Variants in BLOC1S5 observed in about 807,000 individuals in gnomAD.
BLOC1S5 encodes biogenesis of lysosomal organelles complex 1 subunit 5, also known as biogenesis of lysosome-related organelles complex 1 subunit 5.
In BLOC1S5, 27 loss-of-function variants were observed where a neutral mutation model predicts 24.3. The observed-to-expected ratio is 1.11, with a 90% CI of 0.82 to 1.53. BLOC1S5 has a LOEUF of 1.53. Ranked by LOEUF, BLOC1S5 falls within the 40% of genes most tolerant of loss-of-function variation. The pLI, the probability that BLOC1S5 is intolerant of heterozygous loss-of-function variation, is 0.00. For synonymous variants in BLOC1S5, 84 were observed against 74.5 expected, an observed-to-expected ratio of 1.13 and a Z score of -0.66; for missense variants, 239 against 229.4, an observed-to-expected ratio of 1.04 and a Z score of -0.27.
chr6:8,039,971 C>T (rs1430890321), intron 3 of BLOC1S5, among the ~76,000 whole-genome samples: 1 of 152,132 alleles, frequency 6.6e-6, no homozygotes, highest in African/African-American at 2.4e-5. Flanking sequence ...CCTCCGAGCA[C>T]CACATGGTGA....
intron 2 of BLOC1S5, among the ~76,000 whole-genome samples, chr6:8,049,289 T>A (rs1221740157): frequency 6.6e-6 from 1 of 151,514 alleles, no homozygotes; most frequent in East Asian, 1.9e-4. Context: ...GAGAATCGCT[T>A]GAACTTGGGA....
intron 3 of BLOC1S5, among the ~76,000 whole-genome samples, chr6:8,028,167 A>C (rs1261395583): frequency 6.6e-6 from 1 of 152,160 alleles, no homozygotes; most frequent in Non-Finnish European, 1.5e-5. Context: ...CACAAGTTCC[A>C]CAATAGGGCA....
At chr6:8,015,944 G>T in intron 4 of BLOC1S5, 116 bp from the exon 5 acceptor site, 2 of 906,002 alleles carry the variant, frequency 2.2e-6, no homozygotes, top group Non-Finnish European at 3.2e-6. Flanking sequence ...GGAAAAAGTT[G>T]TGTTATAATA....
At chr6:8,017,092 C>T (rs9392948) in intron 4 of BLOC1S5, among the ~76,000 whole-genome samples, 23,780 of 151,870 alleles carry the variant, frequency 0.16, 1,935 homozygotes, top group Admixed American at 0.19. Flanking sequence ...GTTTTCTCCC[C>T]CCTTCCAAAG....
chr6:8,055,250 G>C (rs1764268725), intron 2 of BLOC1S5, among the ~76,000 whole-genome samples: 1 of 152,118 alleles, frequency 6.6e-6, no homozygotes, highest in Non-Finnish European at 1.5e-5. Context: ...CCTGGCCAAC[G>C]TGGTGAAACC....
At chr6:8,034,243 T>C (rs1322628840) in intron 3 of BLOC1S5, among the ~76,000 whole-genome samples, 1 of 152,194 alleles carries the variant, frequency 6.6e-6, no homozygotes, top group Non-Finnish European at 1.5e-5. Flanking sequence ...TGTCCATCAA[T>C]GATAGACTGG....
chr6:8,034,053 T>C (rs1331640171), intron 3 of BLOC1S5, among the ~76,000 whole-genome samples: 1 of 152,208 alleles, frequency 6.6e-6, no homozygotes, highest in African/African-American at 2.4e-5. Context: ...GGTTCAACCA[T>C]TGTGGAAGAC....
At chr6:8,016,602 C>T (rs975270260) in intron 4 of BLOC1S5, among the ~76,000 whole-genome samples, 6 of 151,846 alleles carry the variant, frequency 4.0e-5, no homozygotes, top group Admixed American at 6.6e-5. Context: ...CAGAGTGGCT[C>T]GCACCTGTAA....
At chr6:8,049,320 G>A (rs551119573) in intron 2 of BLOC1S5, among the ~76,000 whole-genome samples, 64 of 151,736 alleles carry the variant, frequency 4.2e-4, no homozygotes, top group African/African-American at 1.2e-3. Flanking sequence ...GCAGTGAGCC[G>A]CGATCGCGCC....
At chr6:8,044,417 T>C (rs575114909) in intron 2 of BLOC1S5, among the ~76,000 whole-genome samples, 1 of 151,984 alleles carries the variant, frequency 6.6e-6, no homozygotes, top group Admixed American at 6.6e-5. Flanking sequence ...TCTTTATCAG[T>C]AGAGTGAAAA....
intron 2 of BLOC1S5, among the ~76,000 whole-genome samples, chr6:8,055,209 A>T (rs1396938122): frequency 6.6e-6 from 1 of 152,234 alleles, no homozygotes; most frequent in African/African-American, 2.4e-5. Context: ...AGGCGGGTGG[A>T]TCACCTGAGG....
intron 2 of BLOC1S5, among the ~76,000 whole-genome samples, chr6:8,043,590 T>C (rs950311746): frequency 6.6e-6 from 1 of 152,184 alleles, no homozygotes; most frequent in Admixed American, 6.5e-5. Flanking sequence ...GATCATTCAA[T>C]GCAATGTGGT....
intron 2 of BLOC1S5, among the ~76,000 whole-genome samples, chr6:8,059,226 A>G (rs1446652226): frequency 1.3e-5 from 2 of 152,256 alleles, no homozygotes; most frequent in African/African-American, 2.4e-5. Flanking sequence ...AGGGAAAAAG[A>G]GTTTGTATAA....
chr6:8,053,461 A>G (rs1268459271), intron 2 of BLOC1S5, among the ~76,000 whole-genome samples: 1 of 152,214 alleles, frequency 6.6e-6, no homozygotes. Flanking sequence ...CATTAGCAAA[A>G]AGATTATGAC....
chr6:8,026,437 A>C lies in BLOC1S5; in HGVS notation c.326-12T>G. 1 of 1,612,134 alleles carries C rather than the reference A, an allele frequency of 6.2e-7. No homozygotes were observed. The highest frequency in any genetic ancestry group is 1.1e-5 in the South Asian group (1 of 91,000). On this transcript the variant is annotated splice_polypyrimidine_tract_variant and intron_variant, in intron 3 of 4. Coordinates refer to ENST00000397457, the MANE Select transcript of BLOC1S5 (RefSeq NM_201280.3). ...ATTAGCTGCTTGCACTGAAATGAAA[A>C]AGACATGGGTTTTCAGTCAGCAGAC... is the stretch of plus-strand genomic sequence containing the variant.
At chr6:8,045,323 A>T (rs1763841890) in intron 2 of BLOC1S5, among the ~76,000 whole-genome samples, 1 of 152,178 alleles carries the variant, frequency 6.6e-6, no homozygotes, top group East Asian at 1.9e-4. Flanking sequence ...ATTTCAGAAG[A>T]TGTAAGGAAA....
intron 3 of BLOC1S5, among the ~76,000 whole-genome samples, chr6:8,037,262 A>C (rs932420867): frequency 6.6e-6 from 1 of 152,226 alleles, no homozygotes; most frequent in Non-Finnish European, 1.5e-5. Context: ...GGAACTAATA[A>C]ATGTATTCAG....
intron 2 of BLOC1S5, among the ~76,000 whole-genome samples, chr6:8,060,114 A>AT (rs1764463375): frequency 6.6e-6 from 1 of 152,230 alleles, no homozygotes; most frequent in Non-Finnish European, 1.5e-5. Flanking sequence ...AGAGAAGTAA[A>AT]TTAGGGTGAC....
At chr6:8,017,731 T>G (rs1762792114) in intron 4 of BLOC1S5, 1 of 152,194 alleles carries the variant, frequency 6.6e-6, no homozygotes, top group South Asian at 2.1e-4. Context: ...TTATTCTCAT[T>G]TTACAGACAA....
Sources: gnomAD v4.1 joint callset for allele counts (sites outside exome capture counted in the v4.1 genomes callset) on GRCh38, gnomAD v4.1.1 for gene constraint, MANE v1.5 for transcripts, NCBI Gene and HGNC (gene_info 2026-07-23, HGNC 2026-07-21) for gene names.